The following TMEM135 variants were observed in gnomAD, a reference collection of about 807,000 sequenced individuals.
TMEM135 encodes peroxisomal membrane protein 52.
TMEM135 carries 30 observed loss-of-function variants against 60.3 expected under a neutral mutation model. The ratio of observed to expected loss-of-function variants is 0.50; its 90% CI spans 0.37 to 0.68. The LOEUF (loss-of-function observed/expected upper bound fraction) is 0.68. Among genes scored for constraint, TMEM135 ranks in the 30% least tolerant of loss-of-function variants. TMEM135 has a pLI of 0.00. For synonymous variants in TMEM135, 190 were observed against 186.7 expected (o/e 1.02, Z -0.14); for missense variants, 468 against 548.8 (o/e 0.85, Z 1.47).
chr11:87,053,432 A>T, intron 1 of TMEM135, among the ~76,000 whole-genome samples: 1 of 152,130 alleles, frequency 6.6e-6, no homozygotes, highest in Admixed American at 6.6e-5. Context: ...CCTTGACAAT[A>T]GATTGATCGT....
At chr11:87,253,651 AT>A (rs1941465682) in intron 6 of TMEM135, among the ~76,000 whole-genome samples, 3 of 3,646 alleles carry the variant, frequency 8.2e-4, no homozygotes, top group Admixed American at 5.3e-3. Context: ...ATATATATAT[AT>A]ATATATATAT....
intron 5 of TMEM135, among the ~76,000 whole-genome samples, chr11:87,208,752 GA>G (rs1940295119): frequency 2.0e-5 from 3 of 152,072 alleles, no homozygotes; most frequent in Admixed American, 2.0e-4. Context: ...CCATCTCCAA[GA>G]CATATAGTCA....
chr11:87,213,373 T>A (rs895917342), intron 5 of TMEM135, among the ~76,000 whole-genome samples: 7 of 152,242 alleles, frequency 4.6e-5, no homozygotes, highest in Non-Finnish European at 1.0e-4. Flanking sequence ...TATAACAGAA[T>A]ATCAAGCTGA....
chr11:87,078,243 G>A (rs10898593), intron 3 of TMEM135, among the ~76,000 whole-genome samples: 11,610 of 152,182 alleles, frequency 0.076, 515 homozygotes, highest in East Asian at 0.18. Flanking sequence ...GCTATCACTT[G>A]TTATTACATG....
At chr11:87,261,231 C>G (rs920676860) in intron 6 of TMEM135, among the ~76,000 whole-genome samples, 1 of 152,188 alleles carries the variant, frequency 6.6e-6, no homozygotes, top group African/African-American at 2.4e-5. Flanking sequence ...TCCCCTCCCT[C>G]TTCCTTTCTT....
intron 1 of TMEM135, among the ~76,000 whole-genome samples, chr11:87,058,325 C>T (rs924101778): frequency 2.3e-5 from 3 of 132,700 alleles, no homozygotes; most frequent in African/African-American, 6.4e-5. Flanking sequence ...ATTCTGCCTC[C>T]TTTATTATTA....
At chr11:87,134,029 T>C (rs373820383) in intron 4 of TMEM135, among the ~76,000 whole-genome samples, 1 of 142,056 alleles carries the variant, frequency 7.0e-6, no homozygotes, top group Admixed American at 7.1e-5. Context: ...TTTTTTTTTT[T>C]CCCTAGGGGT....
intron 4 of TMEM135, among the ~76,000 whole-genome samples, chr11:87,147,888 G>A (rs899842074): frequency 5.3e-5 from 8 of 152,142 alleles, no homozygotes; most frequent in Non-Finnish European, 1.2e-4. Context: ...CTCCCGAGTA[G>A]CCAGGACTAC....
intron 6 of TMEM135, among the ~76,000 whole-genome samples, chr11:87,284,637 T>C (rs1189766532): frequency 6.6e-6 from 1 of 152,234 alleles, no homozygotes; most frequent in African/African-American, 2.4e-5. Flanking sequence ...CTGTATGAAA[T>C]AAATGTACTG....
intron 4 of TMEM135, among the ~76,000 whole-genome samples, chr11:87,150,444 TG>T (rs1938530360): frequency 6.6e-6 from 1 of 152,202 alleles, no homozygotes; most frequent in Non-Finnish European, 1.5e-5. Flanking sequence ...CTACAGAAGA[TG>T]GGAATTTGGT....
Position 87,076,165 on chromosome 11 carries a change from T to C in TMEM135, c.362+4550T>C, listed in dbSNP as rs142029942. On this transcript the variant is annotated intron_variant, in intron 3 of 14. Transcript: ENST00000305494. ...CGGGCCCTGGGCAGGTCCAAAGATA[T>C]TGTCTGGGAGCCAGGGATAGGAGTA... Among the ~76,000 whole-genome samples, 227 of 152,350 alleles carry C rather than the reference T, an allele frequency of 1.5e-3. 1 individual carries two copies. The highest frequency in any genetic ancestry group is 4.4e-3 in the African/African-American group (181 of 41,582).
chr11:87,090,916 G>A (rs577448138), intron 3 of TMEM135, among the ~76,000 whole-genome samples: 2 of 151,996 alleles, frequency 1.3e-5, no homozygotes, highest in African/African-American at 4.8e-5. Flanking sequence ...ATTGTATTGT[G>A]TGTGAAACAG....
intron 5 of TMEM135, among the ~76,000 whole-genome samples, chr11:87,197,528 A>C (rs894168968): frequency 2.0e-5 from 3 of 152,064 alleles, no homozygotes; most frequent in Admixed American, 6.5e-5. Context: ...TACTAAGTGC[A>C]ATTTGCTAAA....
At chr11:87,102,060 C>G (rs1400109587) in intron 4 of TMEM135, among the ~76,000 whole-genome samples, 3 of 152,216 alleles carry the variant, frequency 2.0e-5, no homozygotes, top group Non-Finnish European at 4.4e-5. Context: ...CCAAGCAGTT[C>G]TCTGGAAGCA....
chr11:87,106,911 G>A (rs1857611380), intron 4 of TMEM135, among the ~76,000 whole-genome samples: 1 of 152,192 alleles, frequency 6.6e-6, no homozygotes, highest in South Asian at 2.1e-4. Flanking sequence ...AGTCATGGCA[G>A]AAGGTGTGAA....
chr11:87,241,129 T>G (rs1057140757), intron 6 of TMEM135, among the ~76,000 whole-genome samples: 1 of 151,744 alleles, frequency 6.6e-6, no homozygotes, highest in Admixed American at 6.6e-5. Flanking sequence ...GTAGATTTAG[T>G]TTATCTATTT....
At chr11:87,089,065 A>G (rs185532674) in intron 3 of TMEM135, among the ~76,000 whole-genome samples, 1 of 152,212 alleles carries the variant, frequency 6.6e-6, no homozygotes, top group Non-Finnish European at 1.5e-5. Flanking sequence ...TTTGCCAAGT[A>G]TAAGGTGTAT....
In TMEM135 at chr11:87,100,555, T is replaced by C. The variant is rs540695908; in HGVS notation, c.396+9160T>C. Among the ~76,000 whole-genome samples the C allele has an allele frequency of 5.9e-5, 9 of 152,284 alleles. No homozygotes were observed. The East Asian group carries it at 1.7e-3, about 29-fold the overall frequency. On this transcript the variant is annotated intron_variant, in intron 4 of 14. Transcript: ENST00000305494. ...TGAGGTTTTATTTAAACAAAATATT[T>C]ACTGTTTTTTGGTATGTGTTTCTGA... is the stretch of plus-strand genomic sequence containing the variant.
chr11:87,139,895 T>C (rs1056038671), intron 4 of TMEM135, among the ~76,000 whole-genome samples: 9 of 152,220 alleles, frequency 5.9e-5, no homozygotes, highest in African/African-American at 1.9e-4. Flanking sequence ...ATATGATATA[T>C]GTAGATTTTT....
Sources: gnomAD v4.1 joint callset for allele counts (sites outside exome capture counted in the v4.1 genomes callset) on GRCh38, gnomAD v4.1.1 for gene constraint, MANE v1.5 for transcripts, NCBI Gene and HGNC (gene_info 2026-07-23, HGNC 2026-07-21) for gene names.